The following PHF20 variants were observed in gnomAD, a reference collection of about 807,000 sequenced individuals.
PHF20 encodes the protein PHD finger protein 20.
In PHF20, 23 loss-of-function variants were observed where a neutral mutation model predicts 113.5. The observed-to-expected ratio is 0.20, with a 90% confidence interval of 0.15 to 0.29. The LOEUF (loss-of-function observed/expected upper bound fraction) is 0.29, where lower values mean the gene tolerates loss of function less well. Among genes scored for constraint, PHF20 ranks in the 10% least tolerant of loss-of-function variants. The probability of loss-of-function intolerance (pLI) is 1.00; values close to 1 mark genes in which losing one functional copy is unlikely to be tolerated. For synonymous variants in PHF20, 434 were observed against 457.3 expected (o/e 0.95, Z 0.65); for missense variants, 943 against 1,219.6 (o/e 0.77, Z 3.38).
intron 5 of PHF20, among the ~76,000 whole-genome samples, chr20:35,858,716 G>T (rs1220702699): frequency 6.6e-6 from 1 of 152,074 alleles, no homozygotes; most frequent in Non-Finnish European, 1.5e-5. Flanking sequence ...GATTATAGGC[G>T]CACGCCACCA....
At chr20:35,789,631 C>A (rs2041498609) in intron 1 of PHF20, among the ~76,000 whole-genome samples, 1 of 151,924 alleles carries the variant, frequency 6.6e-6, no homozygotes, top group South Asian at 2.1e-4. Flanking sequence ...ACTGTAACCT[C>A]CACCTGCCGG....
chr20:35,783,875 C>G (rs1273778367), intron 1 of PHF20, among the ~76,000 whole-genome samples: 1 of 151,956 alleles, frequency 6.6e-6, no homozygotes, highest in East Asian at 2.0e-4. Context: ...CTCAGCTACT[C>G]TTGGGAGGCT....
chr20:35,860,851 G>T (rs4504072), intron 5 of PHF20, among the ~76,000 whole-genome samples: 1 of 152,120 alleles, frequency 6.6e-6, no homozygotes, highest in African/African-American at 2.4e-5. Context: ...TGGAAGTCCA[G>T]GGCTCTAGAT....
intron 2 of PHF20, among the ~76,000 whole-genome samples, chr20:35,825,953 A>G (rs2042253293): frequency 6.6e-6 from 1 of 152,190 alleles, no homozygotes; most frequent in Admixed American, 6.5e-5. Flanking sequence ...CAAGATATGG[A>G]CCATTATGGG....
chr20:35,945,091 G>A lies in PHF20; in HGVS notation c.2897-2394G>A, dbSNP rs77531363. 4.0e-3 allele frequency among the ~76,000 whole-genome samples: 606 copies of A among 152,304 alleles called. 1 individual carries two copies. The highest frequency in any genetic ancestry group is 0.014 in the African/African-American group (563 of 41,564). On this transcript the variant is annotated intron_variant, in intron 17 of 17. Transcript: ENST00000374012. The stretch of plus-strand genomic sequence containing the variant: ...CTTGTACTTGCTGGAATTAGGAAGA[G>A]AGAGGGTTCCTCCTTCTTGGAACCC...
chr20:35,784,555 G>C (rs1252636682), intron 1 of PHF20, among the ~76,000 whole-genome samples: 1 of 148,656 alleles, frequency 6.7e-6, no homozygotes, highest in Admixed American at 7.0e-5. Flanking sequence ...TCCTGCCTCA[G>C]CCTGCCAAGT....
intron 2 of PHF20, among the ~76,000 whole-genome samples, chr20:35,829,902 C>T (rs919835341): frequency 6.7e-6 from 1 of 149,960 alleles, no homozygotes; most frequent in Non-Finnish European, 1.5e-5. Flanking sequence ...CACGCCCAGC[C>T]CAAGATTTTT....
chr20:35,841,106 C>G (rs1484605387), intron 2 of PHF20, among the ~76,000 whole-genome samples: 2 of 151,958 alleles, frequency 1.3e-5, no homozygotes, highest in Non-Finnish European at 2.9e-5. Context: ...GAGCCAGGAT[C>G]TGCTATCCTG....
chr20:35,828,552 A>G (rs1371532816), intron 2 of PHF20, among the ~76,000 whole-genome samples: 1 of 152,184 alleles, frequency 6.6e-6, no homozygotes, highest in African/African-American at 2.4e-5. Context: ...TTTTACACAG[A>G]TGCAGCAAGA....
At chr20:35,880,018 G>GGA (rs560599871) in intron 9 of PHF20, among the ~76,000 whole-genome samples, 1 of 151,946 alleles carries the variant, frequency 6.6e-6, no homozygotes, top group African/African-American at 2.4e-5. Context: ...GAAAGAGAAA[G>GGA]GAGAGAGAGA....
rs576180610 is a variant in PHF20 at position 35,811,082 on chromosome 20, C to G, written c.83+9477C>G. Among the ~76,000 whole-genome samples, 145 of 152,160 alleles carry G rather than the reference C, an allele frequency of 9.5e-4. 1 individual carries two copies. The highest frequency in any genetic ancestry group is 3.9e-3 in the South Asian group (19 of 4,824). On this transcript the variant is annotated intron_variant, in intron 2 of 17. Coordinates refer to ENST00000374012, the MANE Select transcript of PHF20 (RefSeq NM_016436.5). ...CATTTTTTTGAGACAGAGTCTTGCTCTGTCGCCAGGCTGGAGTGCAGTGGC... is the reference window on the plus strand; with the variant it reads ...CATTTTTTTGAGACAGAGTCTTGCTGTGTCGCCAGGCTGGAGTGCAGTGGC...
rs146879836 is a variant in PHF20 at position 35,779,220 on chromosome 20, A to G, written c.-33+7141A>G. 4.5e-3 allele frequency among the ~76,000 whole-genome samples: 683 copies of G among 152,026 alleles called. 2 individuals are homozygous for G. Among genetic ancestry groups the G allele is most frequent in the Non-Finnish European group, 7.6e-3 (519 of 67,982 alleles). On this transcript the variant is annotated intron_variant, in intron 1 of 17. Coordinates refer to ENST00000374012, the MANE Select transcript of PHF20 (RefSeq NM_016436.5). ...CCTGCTAATCTTTTATATTTTTGGT[A>G]GAGACTGGCTTTCATCATATTGGCC... is the stretch of plus-strand genomic sequence containing the variant.
At chr20:35,794,300 C>CAAAA in intron 1 of PHF20, among the ~76,000 whole-genome samples, 1 of 96,134 alleles carries the variant, frequency 1.0e-5, no homozygotes, top group Non-Finnish European at 2.3e-5. Context: ...AACTCTGTCT[C>CAAAA]AAAAAAAAAA....
chr20:35,882,891 G>A (rs1291005045), intron 9 of PHF20, among the ~76,000 whole-genome samples: 3 of 152,022 alleles, frequency 2.0e-5, no homozygotes, highest in Non-Finnish European at 2.9e-5. Context: ...AGCCAGGTGC[G>A]GTGGTGTGTG....
chr20:35,919,086 G>C (rs1222274547), intron 13 of PHF20, among the ~76,000 whole-genome samples: 1 of 151,982 alleles, frequency 6.6e-6, no homozygotes, highest in African/African-American at 2.4e-5. Flanking sequence ...CGCGATTTCG[G>C]CTCACCACCA....
chr20:35,871,027 C>T lies in PHF20; in HGVS notation c.995C>T (p.Ser332Phe), dbSNP rs1426176826. ...DLSRRRSSRL[S>F]TNGTHEILDP... ...TCGAGGAGACGTTCCTCCAGGCTGT[C>T]CACTAATGGGACCCATGAGATCCTA... is the stretch of plus-strand genomic sequence containing the variant. The change falls in exon 8 of 18, where the codon TCC becomes TTC. Residue 332 changes from serine to phenylalanine, a missense_variant. Around this residue, in one of 3 missense-constraint regions of PHF20, gnomAD observed 592 missense variants for 787.2 expected, o/e 0.75. Transcript: ENST00000374012. 1 of 1,612,272 alleles carries T rather than the reference C, an allele frequency of 6.2e-7. No homozygotes were observed.
chr20:35,895,508 C>T (rs1260996483), intron 9 of PHF20, among the ~76,000 whole-genome samples: 2 of 151,992 alleles, frequency 1.3e-5, no homozygotes, highest in Non-Finnish European at 2.9e-5. Flanking sequence ...TATGATTTAA[C>T]CTAATATAGA....
chr20:35,894,898 C>CA (rs2054949162), intron 9 of PHF20, among the ~76,000 whole-genome samples: 2 of 152,294 alleles, frequency 1.3e-5, no homozygotes, highest in African/African-American at 4.8e-5. Context: ...TCTTGTCACC[C>CA]AGGCTAGAGT....
intron 12 of PHF20, 55 bp downstream of exon 12, chr20:35,914,252 G>C: frequency 6.5e-7 from 1 of 1,545,806 alleles, no homozygotes; most frequent in Non-Finnish European, 8.9e-7. Flanking sequence ...GAAAATACAA[G>C]CATACCTGGG....
Sources: allele counts gnomAD v4.1 joint callset (sites outside exome capture counted in the v4.1 genomes callset), GRCh38; gene constraint gnomAD v4.1.1; regional missense constraint gnomAD v4.1.1; transcripts MANE v1.5; gene names NCBI Gene and HGNC (gene_info 2026-07-23, HGNC 2026-07-21).